Variants in NEURL4 observed in about 807,000 individuals in gnomAD.
NEURL4 encodes neuralized-like protein 4.
Under a neutral mutation model 148.0 loss-of-function variants are expected in NEURL4, and 45 were observed. The observed-to-expected ratio is 0.30, with a 90% CI of 0.24 to 0.39. NEURL4 has a LOEUF of 0.39. NEURL4 is among the 10% of genes least tolerant of loss of function. The pLI, the probability that NEURL4 is intolerant of heterozygous loss-of-function variation, is 1.00. For synonymous variants in NEURL4, 854 were observed against 869.0 expected, an observed-to-expected ratio of 0.98 and a Z score of 0.30; for missense variants, 1,776 against 2,144.0, an observed-to-expected ratio of 0.83 and a Z score of 3.39.
At position 7,322,095 on chromosome 17, in the gene NEURL4, C is replaced by T. The variant is rs1356290734; in HGVS notation, c.2726-85G>A. ...CACAGAGCAAAGCTTTCAGATGAAA[C>T]GAAATGGGGATGCCAACGCCCCATC... On this transcript the variant is annotated intron_variant, in intron 16 of 28. Transcript: ENST00000399464. The surrounding 1 kb of genome is among the most constrained non-coding windows in gnomAD (Gnocchi z 5.5). 4.3e-5 allele frequency: 64 copies of T among 1,473,322 alleles called. No homozygotes were observed. The highest frequency in any genetic ancestry group is 5.1e-5 in the Non-Finnish European group (56 of 1,104,846). The allele number at this position is 1,473,322 out of a possible 1,614,324, so 91.3% of individuals were successfully genotyped here.
chr17:7,318,380 C>T lies in NEURL4; in HGVS notation c.3865-24G>A, dbSNP rs2072980016. ...ACCTGCAGGGGAGAGGGTAGTCAGA[C>T]AGAGCTTGGTCAGACCCCAGGGCCT... On this transcript the variant is annotated intron_variant, in intron 23 of 28. Transcript: ENST00000399464. This position sits in a 1 kb window ranked among gnomAD's most constrained non-coding sequence, Gnocchi z 4.3. 1.2e-6 allele frequency: 2 copies of T among 1,613,508 alleles called. No individual in the cohort carries two copies. The highest frequency in any genetic ancestry group is 2.2e-5 in the East Asian group (1 of 44,892).
intron 1 of NEURL4, among the ~76,000 whole-genome samples, chr17:7,328,418 G>C (rs2073130835): frequency 6.6e-6 from 1 of 152,020 alleles, no homozygotes; most frequent in South Asian, 2.1e-4. Flanking sequence ...CTGTTTTTTT[G>C]AGACGGAGTC....
chr17:7,320,060 G>C (rs987557637), intron 21 of NEURL4, among the ~76,000 whole-genome samples: 1 of 151,844 alleles, frequency 6.6e-6, no homozygotes, highest in Non-Finnish European at 1.5e-5. Context: ...TTGATCTCCT[G>C]ATCTCGTGAT....
chr17:7,326,420 CT>C lies in NEURL4; in HGVS notation c.1204+16del. ...CAACACCAGGCCTGCACCCCCGCCC[CT>C]GCCCGGGGCTGGTACCTGACTGGAG... On this transcript the variant is annotated intron_variant, in intron 5 of 28. Transcript: ENST00000399464. The surrounding 1 kb of genome is among the most constrained non-coding windows in gnomAD (Gnocchi z 6.0). The C allele has an allele frequency of 6.2e-7, 1 of 1,613,920 alleles. No individual in the cohort carries two copies. The highest frequency in any genetic ancestry group is 1.1e-5 in the South Asian group (1 of 91,076).
In NEURL4 at chr17:7,322,633, C is replaced by G; in HGVS notation, c.2725+102G>C. ...CCCTTCCCTGGAGCCGGCAGCTACC[C>G]CAGCCAACCGTCTTTGCAGAACCTC... On this transcript the variant is annotated intron_variant, in intron 16 of 28. Transcript: ENST00000399464. This position sits in a 1 kb window ranked among gnomAD's most constrained non-coding sequence, Gnocchi z 5.5. The G allele has an allele frequency of 6.8e-7, 1 of 1,471,148 alleles. No individual in the cohort carries two copies. The highest frequency in any genetic ancestry group is 1.2e-5 in the South Asian group (1 of 81,818). The allele number at this position is 1,471,148 out of a possible 1,614,324, so 91.1% of individuals were successfully genotyped here.
intron 25 of NEURL4, 61 bp from the exon 26 acceptor site, chr17:7,317,993 C>G (rs879747595): frequency 1.2e-6 from 2 of 1,613,274 alleles, no homozygotes; most frequent in Admixed American, 1.7e-5. Context: ...CAGTGGCACC[C>G]TCCAGCTGCT....
At position 7,326,185 on chromosome 17, in the gene NEURL4, GC is replaced by G. The variant is rs1288969475; in HGVS notation, c.1293+69del. ...GGTCACATAGGAGACCCTGCTTGGT[GC>G]CCTGGCAGGGACACAGAGTACCTGT... On this transcript the variant is annotated intron_variant, in intron 6 of 28. Transcript: ENST00000399464. This position sits in a 1 kb window ranked among gnomAD's most constrained non-coding sequence, Gnocchi z 6.0. 2.1e-6 allele frequency: 3 copies of G among 1,442,564 alleles called. No homozygotes were observed. Among genetic ancestry groups the G allele is most frequent in the East Asian group, 4.8e-5 (2 of 41,928 alleles). 89.4% of individuals were successfully genotyped at this position (1,442,564 alleles called of 1,614,324 possible). A position where few individuals can be genotyped will look rare whatever the true frequency, so the allele number is the denominator to read the frequency against.
rs1402091959 is a variant in NEURL4 at position 7,321,148 on chromosome 17, G to A, written c.3324C>T (p.Gly1108=). The A allele has an allele frequency of 1.2e-6, 2 of 1,613,742 alleles. No homozygotes were observed. The highest frequency in any genetic ancestry group is 1.7e-6 in the Non-Finnish European group (2 of 1,180,008). The change falls in exon 20 of 29, where the codon GGC becomes GGT. Residue 1108 remains glycine, a synonymous_variant. Transcript: ENST00000399464. This position sits in a 1 kb window ranked among gnomAD's most constrained non-coding sequence, Gnocchi z 6.3. ...PSPSSDTGSE[G]EEDDEGEEHG... is the part of the protein sequence containing the mutation. ...GCTCCTCGCCCTCGTCATCCTCCTC[G>A]CCCTCACTGCCGGTGTCTGAACTGG...
intron 21 of NEURL4, among the ~76,000 whole-genome samples, chr17:7,319,726 A>ACAAAAAAAAAC (rs373294654): frequency 8.6e-6 from 1 of 115,748 alleles, no homozygotes; most frequent in African/African-American, 4.6e-5. Flanking sequence ...ACAAAAAAAC[A>ACAAAAAAAAAC]AAAAAAAAAC....
At position 7,321,375 on chromosome 17, in the gene NEURL4, T is replaced by A; in HGVS notation, c.3184A>T (p.Thr1062Ser). The A allele has an allele frequency of 6.2e-7, 1 of 1,614,102 alleles. No homozygotes were observed. The highest frequency in any genetic ancestry group is 8.5e-7 in the Non-Finnish European group (1 of 1,180,016). The stretch of plus-strand genomic sequence containing the variant: ...TTCAGGTCTACCTTGGCAATGCCAG[T>A]GGCTGCAGGCCCCATATCCTCTCCA... ...VDGEDMGPAA[T>S]GIAKNVWAVL... Residue 1062 changes from threonine (T) to serine (S), a missense_variant, in exon 19 of 29, where the codon ACT becomes TCT. Thr to Ser is a moderately conservative substitution (Grantham distance 58, BLOSUM62 1). Transcript: ENST00000399464. This position sits in a 1 kb window ranked among gnomAD's most constrained non-coding sequence, Gnocchi z 6.3.
rs1285795408 is a variant in NEURL4 at position 7,322,526 on chromosome 17, C to A, written c.2725+209G>T. ...GCATGCTCAGCTTATGGTGTCCTGG[C>A]CCCTTGGTGGCAGGGAAGTGTCCAG... On this transcript the variant is annotated intron_variant, in intron 16 of 28. Coordinates refer to ENST00000399464, the MANE Select transcript of NEURL4 (RefSeq NM_032442.3). The surrounding 1 kb of genome is among the most constrained non-coding windows in gnomAD (Gnocchi z 5.5). Among the ~76,000 whole-genome samples the A allele has an allele frequency of 6.6e-6, 1 of 152,156 alleles. No individual in the cohort carries two copies. Among genetic ancestry groups the A allele is most frequent in the African/African-American group, 2.4e-5 (1 of 41,412 alleles).
chr17:7,325,341 G>A lies in NEURL4; in HGVS notation c.1499C>T (p.Ala500Val), dbSNP rs573288123. The A allele has an allele frequency of 3.5e-5, 56 of 1,613,462 alleles. No homozygotes were observed. Among genetic ancestry groups the A allele is most frequent in the Admixed American group, 5.0e-5 (3 of 59,900 alleles). The change falls in exon 8 of 29, where the codon GCG (alanine) becomes GTG (valine). Residue 500 changes from alanine (A) to valine (V), a missense_variant. Ala to Val is a moderately conservative substitution (Grantham distance 64, BLOSUM62 0). Coordinates refer to ENST00000399464, the MANE Select transcript of NEURL4 (RefSeq NM_032442.3). ...GCGGAGAGCACCCTCGGGGGACAGCGCCCGCAGGATGGCGTTGTTTCGGCG... is the reference window on the plus strand; with the variant it reads ...GCGGAGAGCACCCTCGGGGGACAGCACCCGCAGGATGGCGTTGTTTCGGCG... ...RLRRNNAILR[A>V]LSPEGALRRA...
Position 7,318,239 on chromosome 17 carries a change from C to T in NEURL4, c.3952+30G>A, listed in dbSNP as rs1219392828. 4 of 1,612,226 alleles carry T rather than the reference C, an allele frequency of 2.5e-6. No homozygotes were observed. The highest frequency in any genetic ancestry group is 1.3e-5 in the African/African-American group (1 of 74,838). On this transcript the variant is annotated intron_variant, in intron 24 of 28. Transcript: ENST00000399464. This position sits in a 1 kb window ranked among gnomAD's most constrained non-coding sequence, Gnocchi z 4.3. Reference sequence around the variant, plus strand: ...AAGGGTGAGGGTGGGGGAGTAGGGGCAGGAGCTGGGTCCCTTTGGGCTGGC... The same window carrying T: ...AAGGGTGAGGGTGGGGGAGTAGGGGTAGGAGCTGGGTCCCTTTGGGCTGGC...
intron 8 of NEURL4, 41 bp downstream of exon 8, chr17:7,325,164 ATTAG>A: frequency 8.0e-6 from 2 of 250,990 alleles, no homozygotes; most frequent in Non-Finnish European, 1.4e-5. Context: ...CCCCCCCCCC[ATTAG>A]AATCCCTTCT....
rs1007124750 is a variant in NEURL4 at position 7,318,986 on chromosome 17, C to T, written c.3684+64G>A. ...TCCAAGGCTAGGGGCCCACTTCTCCCTTCTGGCCAGCCCTTCTCTACTCAC... is the reference window on the plus strand; with the variant it reads ...TCCAAGGCTAGGGGCCCACTTCTCCTTTCTGGCCAGCCCTTCTCTACTCAC... On this transcript the variant is annotated intron_variant, in intron 22 of 28. Coordinates refer to ENST00000399464, the MANE Select transcript of NEURL4 (RefSeq NM_032442.3). The surrounding 1 kb of genome is among the most constrained non-coding windows in gnomAD (Gnocchi z 4.3). The T allele has an allele frequency of 6.7e-4, 1,016 of 1,522,518 alleles. 4 individuals are homozygous for T. The highest frequency in any genetic ancestry group is 7.5e-4 in the Non-Finnish European group (844 of 1,131,196). The allele number at this position is 1,522,518 out of a possible 1,614,324, so 94.3% of individuals were successfully genotyped here. A position where few individuals can be genotyped will look rare whatever the true frequency, so the allele number is the denominator to read the frequency against.
Position 7,324,545 on chromosome 17 carries a change from A to G in NEURL4, c.1814-65T>C. 1.4e-6 allele frequency: 2 copies of G among 1,451,028 alleles called. No homozygotes were observed. Among genetic ancestry groups the G allele is most frequent in the South Asian group, 2.3e-5 (2 of 87,354 alleles). The allele number at this position is 1,451,028 out of a possible 1,614,324, so 89.9% of individuals were successfully genotyped here. On this transcript the variant is annotated intron_variant, in intron 9 of 28. Transcript: ENST00000399464. The surrounding 1 kb of genome is among the most constrained non-coding windows in gnomAD (Gnocchi z 5.9). ...GCAGGGCTCCTCTCCTTGCCACAGC[A>G]GCGCCCACAGGACTCCCGAGCCCAC... is the stretch of plus-strand genomic sequence containing the variant.
At position 7,317,242 on chromosome 17, in the gene NEURL4, G is replaced by T; in HGVS notation, c.4447C>A (p.Gln1483Lys). ...GCCAGGGTCTCCGCCCCAGCATATTGAAGGGAGGGGGAAAGCAGCACAGGA... is the reference window on the plus strand; with the variant it reads ...GCCAGGGTCTCCGCCCCAGCATATTTAAGGGAGGGGGAAAGCAGCACAGGA... Reference protein sequence around the residue: ...PPPVLLSPSLQYAGAETLASK... With the variant: ...PPPVLLSPSLKYAGAETLASK... Residue 1483 changes from glutamine to lysine, a missense_variant, in exon 28 of 29, where the codon CAA becomes AAA. By Grantham distance (53) the Gln-to-Lys change is moderately conservative. Coordinates refer to ENST00000399464, the MANE Select transcript of NEURL4 (RefSeq NM_032442.3). 1 of 1,520,920 alleles carries T rather than the reference G, an allele frequency of 6.6e-7. No individual in the cohort carries two copies. The highest frequency in any genetic ancestry group is 8.8e-7 in the Non-Finnish European group (1 of 1,136,648). The allele number at this position is 1,520,920 out of a possible 1,614,324, so 94.2% of individuals were successfully genotyped here. A position where few individuals can be genotyped will look rare whatever the true frequency, so the allele number is the denominator to read the frequency against.
At position 7,320,810 on chromosome 17, in the gene NEURL4, A is replaced by C; in HGVS notation, c.3474T>G (p.Asn1158Lys). ...NRTATRVASY[N>K]QGIVVINQPL... ...GTTGGTTGATGACAACGATGCCCTG[A>C]TTGTAGCTGGCCACCCGTGTGGCCG... The change falls in exon 21 of 29, where the codon AAT (asparagine) becomes AAG (lysine). Residue 1158 changes from asparagine to lysine, a missense_variant. Asn to Lys is a moderately conservative substitution (Grantham distance 94). Transcript: ENST00000399464. The C allele has an allele frequency of 6.2e-7, 1 of 1,614,120 alleles. No homozygotes were observed. Among genetic ancestry groups the C allele is most frequent in the Non-Finnish European group, 8.5e-7 (1 of 1,179,994 alleles).
At chr17:7,319,846 T>A (rs762124516) in intron 21 of NEURL4, among the ~76,000 whole-genome samples, 1 of 152,136 alleles carries the variant, frequency 6.6e-6, no homozygotes, top group Non-Finnish European at 1.5e-5. Context: ...TTTTTTTTTA[T>A]TGAGACGGAG....
Sources: allele counts gnomAD v4.1 joint callset (sites outside exome capture counted in the v4.1 genomes callset), GRCh38; gene constraint gnomAD v4.1.1; non-coding constraint Gnocchi (gnomAD v3.1); transcripts MANE v1.5; gene names NCBI Gene and HGNC (gene_info 2026-07-23, HGNC 2026-07-21).